The following SLC9A7 variants were observed in gnomAD, a reference collection of about 807,000 sequenced individuals.
SLC9A7 encodes solute carrier family 9 member A7, also known as sodium/hydrogen exchanger 7.
A neutral mutation model predicts 52.6 loss-of-function variants in SLC9A7; 19 were observed. The ratio of observed to expected loss-of-function variants is 0.36; its 90% CI spans 0.25 to 0.53. The LOEUF is 0.53. Among genes scored for constraint, SLC9A7 ranks in the 20% least tolerant of loss-of-function variants. SLC9A7 has a pLI of 0.91. For synonymous variants in SLC9A7, 226 were observed against 252.1 expected (o/e 0.90, Z 0.98); for missense variants, 455 against 597.9 (o/e 0.76, Z 2.49).
intron 7 of SLC9A7, among the ~76,000 whole-genome samples, chrX:46,661,640 A>C (rs1264790671): frequency 1.8e-5 from 2 of 111,395 alleles, no homozygotes; most frequent in African/African-American, 6.5e-5. Flanking sequence ...GGCCGGGAAC[A>C]GCAGTTGGCA....
At chrX:46,708,036 C>T (rs1602254632) in intron 1 of SLC9A7, among the ~76,000 whole-genome samples, 1 of 111,903 alleles carries the variant, frequency 8.9e-6, no homozygotes, top group African/African-American at 3.2e-5. Flanking sequence ...CCACTGCGCC[C>T]GGCCGACATG....
In SLC9A7 at chrX:46,669,614, A is replaced by G. The variant is rs754173849; in HGVS notation, c.786T>C (p.Thr262=). The G allele has an allele frequency of 9.0e-7, 1 of 1,115,719 alleles. No homozygotes were observed. The highest frequency in any genetic ancestry group is 1.2e-6 in the Non-Finnish European group (1 of 822,992). 91.9% of individuals were successfully genotyped at this position (1,115,719 alleles called of 1,213,427 possible). A position where few individuals can be genotyped will look rare whatever the true frequency, so the allele number is the denominator to read the frequency against. Residue 262 remains threonine (T), a synonymous_variant, in exon 5 of 17, where the codon ACT becomes ACC. Transcript: ENST00000616978. ...CLFFGAIISA[T]DPVTVLAIFN... ...ATACACAAAGCCAAATACCTGGGTC[A>G]GTGGCAGAGATGATTGCTCCAAAAA...
intron 1 of SLC9A7, among the ~76,000 whole-genome samples, chrX:46,738,108 AG>A (rs72304832): frequency 0.019 from 936 of 48,479 alleles, 43 homozygotes; most frequent in Non-Finnish European, 0.04. Context: ...AGAAAGAAAG[AG>A]AAAAGAAAAG....
intron 1 of SLC9A7, among the ~76,000 whole-genome samples, chrX:46,728,437 A>C (rs1944978622): frequency 8.9e-6 from 1 of 112,503 alleles, no homozygotes; most frequent in South Asian, 3.6e-4. Flanking sequence ...AATGCAAATT[A>C]AAACAGTAAG....
chrX:46,667,568 G>A (rs1337372201), intron 5 of SLC9A7, among the ~76,000 whole-genome samples: 4 of 111,624 alleles, frequency 3.6e-5, no homozygotes, highest in Non-Finnish European at 5.6e-5. Context: ...GCCACATGTG[G>A]CTACTGGTTA....
At chrX:46,716,460 A>C (rs748381433) in intron 1 of SLC9A7, among the ~76,000 whole-genome samples, 23 of 111,991 alleles carry the variant, frequency 2.1e-4, no homozygotes. Context: ...CCTCTTCAGT[A>C]AGACCAGAAG....
At chrX:46,744,104 T>G (rs943090726) in intron 1 of SLC9A7, among the ~76,000 whole-genome samples, 1 of 112,570 alleles carries the variant, frequency 8.9e-6, no homozygotes, top group Non-Finnish European at 1.9e-5. Context: ...ATTCCCACGG[T>G]TACCTCTTGA....
chrX:46,708,176 C>T (rs147550873), intron 1 of SLC9A7, among the ~76,000 whole-genome samples: 99 of 111,652 alleles, frequency 8.9e-4, no homozygotes, highest in African/African-American at 2.9e-3. Context: ...AATTAAGCCA[C>T]GAAAAATGAT....
At chrX:46,679,792 T>C (rs1249180497) in intron 2 of SLC9A7, 37 bp from the exon 3 acceptor site, 2 of 904,628 alleles carry the variant, frequency 2.2e-6, no homozygotes, top group Non-Finnish European at 3.1e-6. Flanking sequence ...CAATTTTTTA[T>C]TTAACTCCAA....
intron 1 of SLC9A7, chrX:46,725,280 C>T: frequency 1.8e-6 from 2 of 1,140,255 alleles, no homozygotes; most frequent in Non-Finnish European, 2.4e-6. Flanking sequence ...CAAATAAGAA[C>T]TGTCTTCATC....
chrX:46,631,642 C>A lies in SLC9A7; in HGVS notation c.1684G>T (p.Val562Phe), dbSNP rs757807795. 10 of 1,206,912 alleles carry A rather than the reference C, an allele frequency of 8.3e-6. No individual in the cohort carries two copies. In the Admixed American group the frequency reaches 2.2e-4, roughly 26 times the overall value. The change falls in exon 14 of 17, where the codon GTT becomes TTT. Residue 562 changes from valine (V) to phenylalanine (F), a missense_variant. Transcript: ENST00000616978. ...GGTGGTGGGTCTTGATCGGGGTCAACACCAACTCTGAAAGTCACCAGGGAG... is the reference window on the plus strand; with the variant it reads ...GGTGGTGGGTCTTGATCGGGGTCAAAACCAACTCTGAAAGTCACCAGGGAG... ...EHHWQYFRVG[V>F]DPDQDPPPNN...
intron 1 of SLC9A7, among the ~76,000 whole-genome samples, chrX:46,705,563 T>C (rs771758445): frequency 2.5e-3 from 276 of 111,330 alleles, no homozygotes; most frequent in Middle Eastern, 4.7e-3. Flanking sequence ...CTGGGCAACA[T>C]AGGGAGACCC....
At chrX:46,667,074 G>A (rs1319245829) in intron 5 of SLC9A7, among the ~76,000 whole-genome samples, 1 of 112,196 alleles carries the variant, frequency 8.9e-6, no homozygotes, top group Non-Finnish European at 1.9e-5. Flanking sequence ...GCCTGAGTCA[G>A]ATGTGGACAC....
At chrX:46,697,623 C>T (rs1443974590) in intron 1 of SLC9A7, among the ~76,000 whole-genome samples, 4 of 111,738 alleles carry the variant, frequency 3.6e-5, no homozygotes, top group Non-Finnish European at 7.5e-5. Context: ...ATCCTGTCAG[C>T]TGAGGAGGAT....
At chrX:46,663,163 G>A (rs922085646) in intron 5 of SLC9A7, among the ~76,000 whole-genome samples, 4 of 110,882 alleles carry the variant, frequency 3.6e-5, no homozygotes, top group South Asian at 3.9e-4. Flanking sequence ...GTGAAACCCC[G>A]TCTCTACTAA....
At position 46,662,613 on chromosome X, in the gene SLC9A7, T is replaced by C. The variant is rs1943843329; in HGVS notation, c.824A>G (p.His275Arg). Residue 275 changes from histidine to arginine, a missense_variant, in exon 6 of 17, where the codon CAT becomes CGT. Physicochemically the swap from His to Arg is conservative, Grantham distance 29. Coordinates refer to ENST00000616978, the MANE Select transcript of SLC9A7 (RefSeq NM_001257291.2). Reference protein sequence around the residue: ...VTVLAIFNELHADVDLYALLF... With the variant: ...VTVLAIFNELRADVDLYALLF... ...AAGTGCGTAAAGATCCACGTCTGCA[T>C]GCAATTCATTAAATATCGCCAGCAC... The C allele has an allele frequency of 8.3e-7, 1 of 1,209,469 alleles. No homozygotes were observed. The highest frequency in any genetic ancestry group is 1.1e-6 in the Non-Finnish European group (1 of 893,501).
intron 16 of SLC9A7, 149 bp from the exon 17 acceptor site, chrX:46,607,352 T>C: frequency 1.6e-6 from 1 of 623,936 alleles, no homozygotes; most frequent in Non-Finnish European, 2.4e-6. Context: ...GGTAACTGGA[T>C]GTAAACTGTA....
At chrX:46,714,174 T>C (rs758482688) in intron 1 of SLC9A7, among the ~76,000 whole-genome samples, 6 of 110,480 alleles carry the variant, frequency 5.4e-5, no homozygotes, top group Non-Finnish European at 1.1e-4. Context: ...ACCACAACTT[T>C]ATGAGGTAGG....
intron 1 of SLC9A7, among the ~76,000 whole-genome samples, chrX:46,696,200 G>T (rs1007950782): frequency 1.2e-4 from 13 of 110,324 alleles, no homozygotes; most frequent in African/African-American, 4.3e-4. Flanking sequence ...TGGCCAGGGT[G>T]GTCTTGAACT....
Sources: allele counts gnomAD v4.1 joint callset (sites outside exome capture counted in the v4.1 genomes callset), GRCh38; gene constraint gnomAD v4.1.1; transcripts MANE v1.5; gene names NCBI Gene and HGNC (gene_info 2026-07-23, HGNC 2026-07-21).